The following PI4KA variants were observed in gnomAD, a reference collection of about 807,000 sequenced individuals.
PI4KA encodes PI4-kinase alpha.
Under a neutral mutation model 271.4 loss-of-function variants are expected in PI4KA, and 122 were observed. That is an observed-to-expected ratio of 0.45 (90% CI 0.39 to 0.52). The LOEUF (loss-of-function observed/expected upper bound fraction) is 0.52, where lower values mean the gene tolerates loss of function less well. PI4KA is among the 20% of genes least tolerant of loss of function. The pLI, the probability that PI4KA is intolerant of heterozygous loss-of-function variation, is 0.00. For missense variants in PI4KA, 1,969 were observed against 2,769.1 expected, an observed-to-expected ratio of 0.71 and a Z score of 6.48; for synonymous variants, 1,041 against 1,078.8, an observed-to-expected ratio of 0.96 and a Z score of 0.69.
At chr22:20,803,534 GTTTTGT>G (rs1430229579) in intron 12 of PI4KA, among the ~76,000 whole-genome samples, 2 of 152,062 alleles carry the variant, frequency 1.3e-5, no homozygotes, top group Non-Finnish European at 2.9e-5. Flanking sequence ...CTATTTTTTT[GTTTTGT>G]TTTTGAGACA....
At chr22:20,726,652 G>C in intron 41 of PI4KA, 111 bp from the exon 42 acceptor site, 1 of 960,796 alleles carries the variant, frequency 1.0e-6, no homozygotes, top group African/African-American at 1.7e-5. Flanking sequence ...CTGAGAACTG[G>C]GGAAAGCCCA....
chr22:20,717,920 C>T, intron 44 of PI4KA, 142 bp from the exon 45 acceptor site: 1 of 655,502 alleles, frequency 1.5e-6, no homozygotes, highest in South Asian at 1.7e-5. Context: ...CCAGGCACCA[C>T]TGGCAGCGAT....
chr22:20,717,314 G>A (rs1452164491), intron 45 of PI4KA, among the ~76,000 whole-genome samples: 3 of 151,058 alleles, frequency 2.0e-5, no homozygotes, highest in Non-Finnish European at 3.0e-5. Context: ...TGGAGGCGGT[G>A]GGGGGGTGGT....
intron 1 of PI4KA, among the ~76,000 whole-genome samples, chr22:20,846,106 A>G (rs1926205053): frequency 6.6e-6 from 1 of 151,792 alleles, no homozygotes. Flanking sequence ...AAAAAAAAAT[A>G]CAAAAAAATT....
At chr22:20,813,971 G>A (rs771630819) in intron 7 of PI4KA, among the ~76,000 whole-genome samples, 7 of 152,024 alleles carry the variant, frequency 4.6e-5, no homozygotes, top group Non-Finnish European at 1.0e-4. Flanking sequence ...GGTAATTTTC[G>A]TATTTTTAGT....
At position 20,715,345 on chromosome 22, in the gene PI4KA, C is replaced by G. The variant is rs138044800; in HGVS notation, c.5318-645G>C. Among the ~76,000 whole-genome samples the G allele has an allele frequency of 3.5e-3, 524 of 151,194 alleles. 2 individuals carry two copies. The highest frequency in any genetic ancestry group is 5.4e-3 in the Non-Finnish European group (369 of 67,764). ...CTTGGCCTCCCAAGTGCTGGGATTA[C>G]AGGTGTGAGCCACTGCGCCTGGCCT... On this transcript the variant is annotated intron_variant, in intron 45 of 54. Coordinates refer to ENST00000255882, the MANE Select transcript of PI4KA (RefSeq NM_058004.4).
At chr22:20,758,364 C>CAAA (rs3042105) in intron 23 of PI4KA, among the ~76,000 whole-genome samples, 7 of 43,268 alleles carry the variant, frequency 1.6e-4, no homozygotes, top group Non-Finnish European at 2.2e-4. Context: ...GACTCTGTCT[C>CAAA]AAAAAAAAAA....
At chr22:20,793,152 C>A (rs760473379) in intron 19 of PI4KA, 41 bp downstream of exon 19, 10 of 1,161,962 alleles carry the variant, frequency 8.6e-6, no homozygotes, top group Non-Finnish European at 1.2e-5. Context: ...AGCATGAACA[C>A]AGTATCTGCA....
chr22:20,710,591 C>G lies in PI4KA; in HGVS notation c.6083+108G>C. ...ACAGGTGTAGGTCAGCAGGTGGCTG[C>G]TAGCACCTACCTCACTCTCTGGAAC... On this transcript the variant is annotated intron_variant, in intron 52 of 54. Transcript: ENST00000255882. 4.0e-6 allele frequency: 4 copies of G among 996,666 alleles called. No homozygotes were observed. In the East Asian group the frequency reaches 9.8e-5, roughly 24 times the overall value. The allele number at this position is 996,666 out of a possible 1,614,324, so 61.7% of individuals were successfully genotyped here. A position where few individuals can be genotyped will look rare whatever the true frequency, so the allele number is the denominator to read the frequency against.
intron 1 of PI4KA, among the ~76,000 whole-genome samples, chr22:20,842,706 G>A (rs1467442754): frequency 2.0e-5 from 3 of 152,092 alleles, no homozygotes; most frequent in Non-Finnish European, 2.9e-5. Flanking sequence ...CCAGCTACTC[G>A]GGAGGCTGAG....
At position 20,858,766 on chromosome 22, in the gene PI4KA, C is replaced by G; in HGVS notation, c.-41G>C. The G allele has an allele frequency of 6.6e-6, 9 of 1,371,496 alleles. No homozygotes were observed. Among genetic ancestry groups the G allele is most frequent in the Non-Finnish European group, 6.6e-6 (7 of 1,058,824 alleles). 85.0% of individuals were successfully genotyped at this position (1,371,496 alleles called of 1,614,324 possible). A position where few individuals can be genotyped will look rare whatever the true frequency, so the allele number is the denominator to read the frequency against. On this transcript the variant is annotated 5_prime_UTR_variant, in exon 1 of 55. Transcript: ENST00000255882. ...GGCGCTGCCCGCCGGCTCCCCGCTC[C>G]TGGCCCGCGAGCGCCCGACCTCAGG...
At chr22:20,755,117 A>G (rs775476924) in intron 23 of PI4KA, among the ~76,000 whole-genome samples, 16 of 152,170 alleles carry the variant, frequency 1.1e-4, no homozygotes, top group Admixed American at 3.3e-4. Flanking sequence ...AGTAACTGGA[A>G]TTCTGTAAGG....
chr22:20,797,009 C>T (rs565234266), intron 17 of PI4KA, among the ~76,000 whole-genome samples: 1 of 152,302 alleles, frequency 6.6e-6, no homozygotes, highest in East Asian at 1.9e-4. Flanking sequence ...AGTCTTTGAG[C>T]CTCAGTTTCT....
intron 19 of PI4KA, among the ~76,000 whole-genome samples, chr22:20,782,082 G>A (rs1487954985): frequency 6.6e-6 from 1 of 152,188 alleles, no homozygotes; most frequent in Non-Finnish European, 1.5e-5. Context: ...CTATGTTTAG[G>A]ACTGACTTTA....
At chr22:20,834,479 C>A in intron 3 of PI4KA, 83 bp downstream of exon 3, 2 of 838,972 alleles carry the variant, frequency 2.4e-6, no homozygotes, top group South Asian at 2.8e-5. Flanking sequence ...TCTGATGTGT[C>A]AGTATGAATA....
chr22:20,721,649 A>C (rs919200000), intron 42 of PI4KA: 1 of 525,384 alleles, frequency 1.9e-6, no homozygotes, highest in Non-Finnish European at 3.5e-6. Flanking sequence ...AGCGGGCGAC[A>C]GTCAGCCTTT....
intron 3 of PI4KA, among the ~76,000 whole-genome samples, chr22:20,834,250 G>C (rs552402512): frequency 1.4e-4 from 22 of 152,240 alleles, no homozygotes; most frequent in African/African-American, 5.1e-4. Flanking sequence ...CTGATTTGGG[G>C]ACGGGCAGAT....
At chr22:20,796,356 C>T (rs1934986169) in intron 17 of PI4KA, 42 bp from the exon 18 acceptor site, 1 of 1,583,710 alleles carries the variant, frequency 6.3e-7, no homozygotes, top group Admixed American at 1.8e-5. Flanking sequence ...GCCAGGCCCT[C>T]AACCGTCCCC....
intron 5 of PI4KA, 74 bp downstream of exon 5, chr22:20,820,465 G>T: frequency 1.0e-6 from 1 of 989,174 alleles, no homozygotes; most frequent in South Asian, 1.4e-5. Flanking sequence ...CCCAACAACA[G>T]AAAAGACTGG....
Sources: allele counts gnomAD v4.1 joint callset (sites outside exome capture counted in the v4.1 genomes callset), GRCh38; gene constraint gnomAD v4.1.1; transcripts MANE v1.5; gene names NCBI Gene and HGNC (gene_info 2026-07-23, HGNC 2026-07-21).